ZNF717: variants seen among roughly 807,000 people sequenced by gnomAD.
The protein encoded by ZNF717 is krueppel-like factor X17.
In ZNF717, 9 loss-of-function variants were observed where a neutral mutation model predicts 13.8. That is an observed-to-expected ratio of 0.65 (90% CI 0.39 to 1.14). ZNF717 has a LOEUF of 1.14. Ranked by LOEUF, ZNF717 falls within the 50% of genes most tolerant of loss-of-function variation. ZNF717 has a pLI of 0.01. For missense variants in ZNF717, 1,040 were observed against 1,080.7 expected (o/e 0.96, Z 0.53); for synonymous variants, 327 against 364.1 (o/e 0.90, Z 1.16).
At chr3:75,711,512 T>G (rs1242809451) in intron 5 of ZNF717, among the ~76,000 whole-genome samples, 1 of 152,182 alleles carries the variant, frequency 6.6e-6, no homozygotes, top group East Asian at 1.9e-4. Flanking sequence ...TATCAAAAAT[T>G]TTGCCAGGCA....
At chr3:75,707,580 T>C (rs368173952), downstream of ZNF717, among the ~76,000 whole-genome samples, 33 of 152,364 alleles carry the variant, frequency 2.2e-4, 1 homozygote, top group East Asian at 5.0e-3. Flanking sequence ...TTCATCTCAC[T>C]AGGGAGTGCC....
chr3:75,697,729 G>A (rs560526640), intron 6 of ZNF717, among the ~76,000 whole-genome samples: 1 of 152,408 alleles, frequency 6.6e-6, no homozygotes, highest in South Asian at 2.1e-4. Context: ...TTGGCACCAA[G>A]GAGTGGAAAA....
At chr3:75,696,431 A>C (rs1236574230) in intron 6 of ZNF717, among the ~76,000 whole-genome samples, 25 of 152,374 alleles carry the variant, frequency 1.6e-4, no homozygotes, top group African/African-American at 4.8e-4. Context: ...TTAAAAAAGC[A>C]AACTACAGGC....
chr3:75,770,719 C>G (rs10451949), intron 2 of ZNF717, among the ~76,000 whole-genome samples: 1 of 152,110 alleles, frequency 6.6e-6, no homozygotes. Context: ...GAAGAGAGGA[C>G]GATGTGGCTT....
chr3:75,781,800 G>C (rs138176566), intron 2 of ZNF717, among the ~76,000 whole-genome samples: 2 of 151,658 alleles, frequency 1.3e-5, no homozygotes, highest in East Asian at 1.9e-4. Flanking sequence ...CATAAAGCCC[G>C]CACATTTGTC....
At chr3:75,741,804 T>C (rs1432929438) in intron 2 of ZNF717, 68 bp from the exon 3 acceptor site, 27 of 1,528,858 alleles carry the variant, frequency 1.8e-5, no homozygotes, top group Non-Finnish European at 2.3e-5. Context: ...CTAAGCATCA[T>C]CCACGTCCTG....
intron 2 of ZNF717, among the ~76,000 whole-genome samples, chr3:75,759,986 T>C (rs1272496297): frequency 1.3e-5 from 2 of 152,254 alleles, no homozygotes; most frequent in African/African-American, 2.4e-5. Context: ...TAGGAGATCA[T>C]AGTTTCTAAA....
intron 2 of ZNF717, among the ~76,000 whole-genome samples, chr3:75,745,692 C>G (rs372458325): frequency 6.6e-6 from 1 of 152,062 alleles, no homozygotes; most frequent in East Asian, 1.9e-4. Flanking sequence ...TTTTTATATA[C>G]CAGTAGGAGT....
intron 2 of ZNF717, among the ~76,000 whole-genome samples, chr3:75,781,696 G>C (rs1944834204): frequency 6.6e-6 from 1 of 152,164 alleles, no homozygotes; most frequent in Admixed American, 6.5e-5. Context: ...ACTTGTGCAA[G>C]CTGACTTTCA....
chr3:75,704,335 C>A (rs1937757279), intron 6 of ZNF717, among the ~76,000 whole-genome samples: 1 of 152,414 alleles, frequency 6.6e-6, no homozygotes, highest in East Asian at 1.9e-4. Flanking sequence ...TCTTTTCCAG[C>A]AACATCTTTC....
chr3:75,743,037 A>G (rs1402463993), intron 2 of ZNF717, among the ~76,000 whole-genome samples: 7 of 152,354 alleles, frequency 4.6e-5, no homozygotes, highest in African/African-American at 1.4e-4. Context: ...ACGATATTCA[A>G]TAATGGCTCT....
rs374047309 is a variant in ZNF717 at position 75,737,731 on chromosome 3, T to C, written c.1892A>G (p.Lys631Arg). Residue 631 changes from lysine (K) to arginine (R), a missense_variant, in exon 5 of 5, where the codon AAG becomes AGG. Transcript: ENST00000652011. ...CNECGKTFRQ[K>R]SNLSTHQGTH... Reference sequence around the variant, plus strand: ...TCCCTGATGGGTGCTGAGATTTGACTTCTGACGAAAGGTTTTTCCACATTC... The same window carrying C: ...TCCCTGATGGGTGCTGAGATTTGACCTCTGACGAAAGGTTTTTCCACATTC... 615 of 1,546,352 alleles carry C rather than the reference T, an allele frequency of 4.0e-4. No homozygotes were observed. The African/African-American group carries it at 5.3e-3, about 13-fold the overall frequency.
rs150320760 is a variant in ZNF717, at chr3:75,781,553, C to T, written c.57+1753G>A. ...TTGTGTTAACATGAATAGACTCGTC[C>T]TTAGATACCTAACCTTGTTTTTAAT... On this transcript the variant is annotated intron_variant, in intron 2 of 4. Transcript: ENST00000652011. Among the ~76,000 whole-genome samples, 698 of 152,224 alleles carry T rather than the reference C, an allele frequency of 4.6e-3. 5 individuals are homozygous for T. The highest frequency in any genetic ancestry group is 6.8e-3 in the Middle Eastern group (2 of 294).
chr3:75,748,752 A>C (rs1941404730), intron 2 of ZNF717, among the ~76,000 whole-genome samples: 1 of 152,174 alleles, frequency 6.6e-6, no homozygotes, highest in African/African-American at 2.4e-5. Flanking sequence ...ATGGGCAAAA[A>C]CTGGAAGGAT....
chr3:75,758,633 G>A (rs952038710), intron 2 of ZNF717, among the ~76,000 whole-genome samples: 85 of 152,310 alleles, frequency 5.6e-4, no homozygotes, highest in African/African-American at 2.0e-3. Flanking sequence ...AAACTTCAAT[G>A]TTGTATTATT....
chr3:75,698,314 T>TA (rs77390064), intron 6 of ZNF717, among the ~76,000 whole-genome samples: 49 of 151,096 alleles, frequency 3.2e-4, no homozygotes, highest in African/African-American at 1.1e-3. Context: ...TTGTATAACC[T>TA]AAAAAAAAAA....
intron 2 of ZNF717, among the ~76,000 whole-genome samples, chr3:75,744,462 C>G (rs112628056): frequency 3.2e-3 from 495 of 152,348 alleles, no homozygotes; most frequent in African/African-American, 0.011. Context: ...GGGCAAACCA[C>G]TGCCCCCAGG....
At chr3:75,709,849 G>A (rs1575715442) in exon 6 of ZNF717, 1 of 152,142 alleles carries the variant, frequency 6.6e-6, no homozygotes, top group Non-Finnish European at 1.5e-5. Flanking sequence ...AAGCATCACT[G>A]ATCAATCATC....
downstream of ZNF717, among the ~76,000 whole-genome samples, chr3:75,707,614 G>A (rs1283369623): frequency 6.6e-6 from 1 of 152,246 alleles, no homozygotes; most frequent in Non-Finnish European, 1.5e-5. Context: ...AGGACAGTGG[G>A]TGCAGTGCAC....
Sources: allele counts gnomAD v4.1 joint callset (sites outside exome capture counted in the v4.1 genomes callset), GRCh38; gene constraint gnomAD v4.1.1; transcripts MANE v1.5; gene names NCBI Gene and HGNC (gene_info 2026-07-23, HGNC 2026-07-21).